The following RARB variants were observed in gnomAD, a reference collection of about 807,000 sequenced individuals.
The protein encoded by RARB is HBV-activated protein.
In RARB, 17 loss-of-function variants were observed where a neutral mutation model predicts 51.9. That is an observed-to-expected ratio of 0.33 (90% CI 0.22 to 0.49). The LOEUF is 0.49. Ranked by LOEUF, RARB falls within the 20% of genes least tolerant of loss-of-function variation. The pLI is 0.99. For missense variants in RARB, 369 were observed against 550.8 expected (o/e 0.67, Z 3.30); for synonymous variants, 215 against 195.4 (o/e 1.10, Z -0.84).
intron 5 of RARB, among the ~76,000 whole-genome samples, chr3:25,300,353 T>C (rs183003430): frequency 6.6e-6 from 1 of 152,338 alleles, no homozygotes; most frequent in Admixed American, 6.5e-5. Flanking sequence ...TGCTGAACAA[T>C]AGTTTTTCAC....
chr3:25,287,156 T>C (rs1468849464), intron 5 of RARB, among the ~76,000 whole-genome samples: 1 of 152,228 alleles, frequency 6.6e-6, no homozygotes, highest in Non-Finnish European at 1.5e-5. Flanking sequence ...GAATGCATTG[T>C]TGAAATGCAT....
At chr3:24,877,549 G>A (rs548704987) in intron 2 of RARB, among the ~76,000 whole-genome samples, 1 of 151,920 alleles carries the variant, frequency 6.6e-6, no homozygotes. Flanking sequence ...TAAAGATGAT[G>A]GTTCAACAAG....
At chr3:25,040,177 G>A (rs1224314560) in intron 2 of RARB, among the ~76,000 whole-genome samples, 2 of 152,202 alleles carry the variant, frequency 1.3e-5, no homozygotes, top group Non-Finnish European at 2.9e-5. Context: ...GAAGTGCAAA[G>A]TGAAGCTCTT....
intron 2 of RARB, among the ~76,000 whole-genome samples, chr3:25,488,280 T>A (rs1005420554): frequency 9.9e-5 from 15 of 152,222 alleles, no homozygotes; most frequent in African/African-American, 3.1e-4. Context: ...ATCTTGAATA[T>A]GTGTGTGTTC....
rs117281535 is a variant in RARB, at chr3:25,186,990, G to T, written c.178+12415G>T. 2.4e-3 allele frequency among the ~76,000 whole-genome samples: 349 copies of T among 146,826 alleles called. 1 individual carries two copies. Among genetic ancestry groups the T allele is most frequent in the East Asian group, 0.022 (104 of 4,672 alleles). On this transcript the variant is annotated intron_variant, in intron 5 of 11. Transcript: ENST00000383772. Reference sequence around the variant, plus strand: ...TAGCCAGTCATATCAGTCACACGATGGAACAAAGGAAGTAGGATTTAATGG... The same window carrying T: ...TAGCCAGTCATATCAGTCACACGATTGAACAAAGGAAGTAGGATTTAATGG...
chr3:25,048,916 C>T (rs1698271673), intron 2 of RARB, among the ~76,000 whole-genome samples: 1 of 152,012 alleles, frequency 6.6e-6, no homozygotes, highest in Admixed American at 6.5e-5. Flanking sequence ...CTGTGCCCGG[C>T]TAACTTTTTG....
intron 5 of RARB, among the ~76,000 whole-genome samples, chr3:25,257,961 C>T (rs947045885): frequency 2.0e-5 from 3 of 152,170 alleles, no homozygotes; most frequent in African/African-American, 7.2e-5. Context: ...ACAGCACTCT[C>T]TTCCTGCCAT....
At chr3:24,878,356 G>A (rs1703089237) in intron 2 of RARB, among the ~76,000 whole-genome samples, 1 of 149,294 alleles carries the variant, frequency 6.7e-6, no homozygotes, top group Admixed American at 6.7e-5. Flanking sequence ...TTGTTTCCAA[G>A]TTGTGATTTT....
At chr3:25,012,379 T>G (rs1697417356) in intron 2 of RARB, among the ~76,000 whole-genome samples, 1 of 152,104 alleles carries the variant, frequency 6.6e-6, no homozygotes, top group Non-Finnish European at 1.5e-5. Context: ...CCAGATGTTT[T>G]GATTCAGAAG....
chr3:25,232,973 C>CTTTTTTTTTTTTTT (rs71061205), intron 5 of RARB, among the ~76,000 whole-genome samples: 27 of 118,736 alleles, frequency 2.3e-4, no homozygotes, highest in Non-Finnish European at 2.9e-4. Context: ...TTTTCTTTTT[C>CTTTTTTTTTTTTTT]TTTTTTTTTT....
chr3:25,154,286 ATCCGAGTTCCT>A (rs1462233170), intron 4 of RARB, among the ~76,000 whole-genome samples: 1 of 152,230 alleles, frequency 6.6e-6, no homozygotes. Context: ...CTTTTGCTCC[ATCCGAGTTCCT>A]TAGCTTGCTG....
intron 2 of RARB, among the ~76,000 whole-genome samples, chr3:24,877,987 A>G (rs549854572): frequency 1.4e-4 from 21 of 152,284 alleles, no homozygotes; most frequent in Middle Eastern, 3.4e-3. Context: ...CATCTCACCA[A>G]CTCGGTTTCC....
At chr3:25,047,351 C>A (rs530984877) in intron 2 of RARB, among the ~76,000 whole-genome samples, 1 of 152,118 alleles carries the variant, frequency 6.6e-6, no homozygotes, top group African/African-American at 2.4e-5. Context: ...CTTTTGGAAG[C>A]GTTCCAGCCC....
At chr3:25,319,252 C>T (rs780790921) in intron 5 of RARB, among the ~76,000 whole-genome samples, 1 of 152,152 alleles carries the variant, frequency 6.6e-6, no homozygotes, top group Non-Finnish European at 1.5e-5. Flanking sequence ...TGAGATCCTG[C>T]CATCAAACCC....
intron 1 of RARB, among the ~76,000 whole-genome samples, chr3:24,857,157 C>G (rs1302703712): frequency 6.6e-6 from 1 of 152,158 alleles, no homozygotes; most frequent in African/African-American, 2.4e-5. Context: ...AGGATGTTGC[C>G]ATTTATACTG....
At chr3:25,236,359 A>G (rs1476833715) in intron 5 of RARB, among the ~76,000 whole-genome samples, 1 of 152,174 alleles carries the variant, frequency 6.6e-6, no homozygotes, top group Non-Finnish European at 1.5e-5. Context: ...GTTAATTCTT[A>G]TCTCAGAATA....
chr3:24,878,279 T>G (rs1703087702), intron 2 of RARB, among the ~76,000 whole-genome samples: 1 of 152,138 alleles, frequency 6.6e-6, no homozygotes, highest in Admixed American at 6.5e-5. Context: ...TTCTTTTACT[T>G]TAGGTGTGTC....
At chr3:25,102,145 GC>G (rs1413929529) in intron 3 of RARB, among the ~76,000 whole-genome samples, 1 of 152,136 alleles carries the variant, frequency 6.6e-6, no homozygotes, top group Non-Finnish European at 1.5e-5. Flanking sequence ...CCCTAAGCAT[GC>G]ACGTTAGCAT....
At chr3:25,116,934 A>C (rs2125327562) in intron 3 of RARB, among the ~76,000 whole-genome samples, 1 of 152,322 alleles carries the variant, frequency 6.6e-6, no homozygotes, top group South Asian at 2.1e-4. Flanking sequence ...TGCATAGACA[A>C]GAAGTAAGCA....
Sources: gnomAD v4.1 joint callset for allele counts (sites outside exome capture counted in the v4.1 genomes callset) on GRCh38, gnomAD v4.1.1 for gene constraint, MANE v1.5 for transcripts, NCBI Gene and HGNC (gene_info 2026-07-23, HGNC 2026-07-21) for gene names.